The following CHST9 variants were observed in gnomAD, a reference collection of about 807,000 sequenced individuals.
CHST9 encodes carbohydrate sulfotransferase 9, also known as GalNAc-4-sulfotransferase 2.
Under a neutral mutation model 44.4 loss-of-function variants are expected in CHST9, and 41 were observed. That is an observed-to-expected ratio of 0.92 (90% confidence interval 0.72 to 1.20). CHST9 has a LOEUF of 1.20. CHST9 is among the 50% of genes most tolerant of loss of function. The pLI, the probability that CHST9 is intolerant of heterozygous loss-of-function variation, is 0.00. For synonymous variants in CHST9, 171 were observed against 178.4 expected (o/e 0.96, Z 0.33); for missense variants, 504 against 516.5 (o/e 0.98, Z 0.23).
At chr18:27,165,900 GC>G (rs1203970121) in intron 1 of CHST9, among the ~76,000 whole-genome samples, 1 of 152,142 alleles carries the variant, frequency 6.6e-6, no homozygotes, top group Non-Finnish European at 1.5e-5. Context: ...AAATACCACA[GC>G]CACATAGAAC....
intron 2 of CHST9, among the ~76,000 whole-genome samples, chr18:27,087,437 G>A (rs550484582): frequency 1.5e-4 from 23 of 152,014 alleles, no homozygotes; most frequent in Non-Finnish European, 2.8e-4. Flanking sequence ...TTGCCCTTTT[G>A]GATGGTTTCC....
intron 2 of CHST9, among the ~76,000 whole-genome samples, chr18:27,122,961 G>C (rs187313926): frequency 2.1e-3 from 318 of 152,312 alleles, no homozygotes; most frequent in Non-Finnish European, 3.0e-3. Context: ...TAGGTGAGGA[G>C]ACGCATCTGT....
chr18:27,086,034 G>T (rs1287066772), intron 2 of CHST9, among the ~76,000 whole-genome samples: 2 of 152,152 alleles, frequency 1.3e-5, no homozygotes, highest in African/African-American at 4.8e-5. Context: ...ACCAAATACT[G>T]CATGTTCTCA....
chr18:27,061,381 G>A (rs765627842), intron 2 of CHST9, among the ~76,000 whole-genome samples: 4 of 152,214 alleles, frequency 2.6e-5, no homozygotes, highest in Admixed American at 6.5e-5. Flanking sequence ...AAAGGAAAGA[G>A]CATTGCCTTT....
chr18:26,961,608 G>T (rs544595935), intron 4 of CHST9, among the ~76,000 whole-genome samples: 2 of 152,202 alleles, frequency 1.3e-5, no homozygotes, highest in South Asian at 4.2e-4. Flanking sequence ...TTTTTAATGT[G>T]TAGAGATGAA....
intron 2 of CHST9, among the ~76,000 whole-genome samples, chr18:27,087,169 A>C (rs745507710): frequency 6.6e-6 from 1 of 152,230 alleles, no homozygotes; most frequent in Non-Finnish European, 1.5e-5. Flanking sequence ...GAAAGTTAGC[A>C]TTCTTGAATT....
At chr18:27,063,322 C>T (rs938001535) in intron 2 of CHST9, among the ~76,000 whole-genome samples, 19 of 152,172 alleles carry the variant, frequency 1.2e-4, no homozygotes, top group African/African-American at 4.3e-4. Context: ...CTGAGAGACA[C>T]AAATTGATTT....
intron 3 of CHST9, among the ~76,000 whole-genome samples, chr18:27,040,882 C>T (rs1443557987): frequency 6.6e-6 from 1 of 152,116 alleles, no homozygotes; most frequent in African/African-American, 2.4e-5. Context: ...TATGACTTAA[C>T]ACTCCTTGCA....
At chr18:27,090,460 A>T (rs1357007004) in intron 2 of CHST9, among the ~76,000 whole-genome samples, 1 of 151,980 alleles carries the variant, frequency 6.6e-6, no homozygotes, top group Non-Finnish European at 1.5e-5. Context: ...ATTAGATACC[A>T]TTTGTCCATT....
At chr18:26,926,023 A>G (rs2055761272) in intron 5 of CHST9, among the ~76,000 whole-genome samples, 1 of 152,228 alleles carries the variant, frequency 6.6e-6, no homozygotes, top group Non-Finnish European at 1.5e-5. Context: ...GAGAAAAGAT[A>G]AAATTAAGTG....
At chr18:26,989,498 A>T (rs2056791003) in intron 4 of CHST9, among the ~76,000 whole-genome samples, 1 of 152,242 alleles carries the variant, frequency 6.6e-6, no homozygotes, top group South Asian at 2.1e-4. Context: ...AAATGGTGCA[A>T]CCATTCTGGA....
At chr18:26,937,294 GTA>G (rs2056011139) in intron 5 of CHST9, among the ~76,000 whole-genome samples, 1 of 152,184 alleles carries the variant, frequency 6.6e-6, no homozygotes, top group Middle Eastern at 3.4e-3. Context: ...TGGAGTATAT[GTA>G]TGCTCATCTT....
At chr18:26,923,719 C>A (rs1431896589) in intron 5 of CHST9, among the ~76,000 whole-genome samples, 2 of 151,986 alleles carry the variant, frequency 1.3e-5, no homozygotes, top group African/African-American at 2.4e-5. Context: ...TCAAGGAAAC[C>A]AAAGTTTAAT....
chr18:27,171,861 C>T (rs561681621), intron 1 of CHST9, among the ~76,000 whole-genome samples: 3 of 152,258 alleles, frequency 2.0e-5, no homozygotes, highest in Admixed American at 6.5e-5. Context: ...GCTATTTCTT[C>T]TGTAATTGCA....
rs1410304867 is a variant in CHST9 at position 27,010,714 on chromosome 18, A to C, written c.202+13402T>G. On this transcript the variant is annotated intron_variant, in intron 4 of 5. Transcript: ENST00000618847. ...TCGTACTCAAGAATTAGTACCTATC[A>C]TTACTGTGTATTTTGGCATCAGCAG... Among the ~76,000 whole-genome samples the C allele has an allele frequency of 2.0e-5, 3 of 152,208 alleles. No individual in the cohort carries two copies. The East Asian group carries it at 5.8e-4, about 29-fold the overall frequency.
At chr18:26,938,774 T>G (rs533534439) in intron 5 of CHST9, among the ~76,000 whole-genome samples, 18 of 152,212 alleles carry the variant, frequency 1.2e-4, no homozygotes, top group Non-Finnish European at 1.8e-4. Flanking sequence ...TTCTTTCATT[T>G]CCTGACTGTG....
Position 26,914,642 on chromosome 18 carries a change from A to C in CHST9, c.*1617T>G. ...TCTCTCAGCCCATTGCAGTTTACTT[A>C]CTCCTTAGGAGACACAGATGGGACA... On this transcript the variant is annotated 3_prime_UTR_variant, in exon 6 of 6. Transcript: ENST00000618847. The C allele has an allele frequency of 3.1e-6, 1 of 318,834 alleles. No individual in the cohort carries two copies. Among genetic ancestry groups the C allele is most frequent in the Non-Finnish European group, 5.7e-6 (1 of 176,380 alleles). 19.8% of individuals were successfully genotyped at this position (318,834 alleles called of 1,614,324 possible). A position where few individuals can be genotyped will look rare whatever the true frequency, so the allele number is the denominator to read the frequency against.
intron 2 of CHST9, among the ~76,000 whole-genome samples, chr18:27,127,719 G>A (rs990318595): frequency 2.0e-5 from 3 of 152,154 alleles, no homozygotes; most frequent in African/African-American, 7.2e-5. Context: ...AAGAGACGAT[G>A]ATACAGAAGA....
chr18:27,183,317 A>G (rs189126827), intron 1 of CHST9, among the ~76,000 whole-genome samples: 154 of 152,338 alleles, frequency 1.0e-3, no homozygotes, highest in African/African-American at 3.6e-3. Flanking sequence ...ATGGGAATGT[A>G]TGAAATGAGT....
Sources: allele counts gnomAD v4.1 joint callset (sites outside exome capture counted in the v4.1 genomes callset), GRCh38; gene constraint gnomAD v4.1.1; transcripts MANE v1.5; gene names NCBI Gene and HGNC (gene_info 2026-07-23, HGNC 2026-07-21).